Variants in ARB2A observed in about 807,000 individuals in gnomAD.
The protein encoded by ARB2A is ARB2 cotranscriptional regulator A.
chr5:93,962,480 A>G, the ARB2A span, among the ~76,000 whole-genome samples: 1 of 152,146 alleles, frequency 6.6e-6, no homozygotes, highest in African/African-American at 2.4e-5. Flanking sequence ...GTCATTTAAA[A>G]AATGGTTCTT....
At chr5:93,627,446 T>TG in the ARB2A span, among the ~76,000 whole-genome samples, 1 of 147,436 alleles carries the variant, frequency 6.8e-6, no homozygotes, top group African/African-American at 2.6e-5. Context: ...GTGTTTTGTT[T>TG]TTTTTTTTTT....
the ARB2A span, among the ~76,000 whole-genome samples, chr5:93,910,047 G>GGA: frequency 6.6e-6 from 1 of 150,832 alleles, no homozygotes; most frequent in Non-Finnish European, 1.5e-5. Context: ...TGACATAGCT[G>GGA]TCTGCTAATA....
the ARB2A span, among the ~76,000 whole-genome samples, chr5:93,883,673 A>G: frequency 6.6e-6 from 1 of 151,500 alleles, no homozygotes; most frequent in African/African-American, 2.4e-5. Context: ...AATTTCAGCT[A>G]TAACTTCTCC....
chr5:94,031,071 A>AAGAT, the ARB2A span, among the ~76,000 whole-genome samples: 1 of 152,228 alleles, frequency 6.6e-6, no homozygotes, highest in Non-Finnish European at 1.5e-5. Context: ...AAAACAGACT[A>AAGAT]AGATAGAAAA....
At chr5:93,937,782 G>A in the ARB2A span, among the ~76,000 whole-genome samples, 1 of 152,034 alleles carries the variant, frequency 6.6e-6, no homozygotes, top group Non-Finnish European at 1.5e-5. Context: ...AAATGGTGTA[G>A]TATTTGCTCA....
chr5:93,841,831 G>A, the ARB2A span, among the ~76,000 whole-genome samples: 2 of 152,194 alleles, frequency 1.3e-5, no homozygotes, highest in Non-Finnish European at 2.9e-5. Context: ...TGCGAGTGTT[G>A]CTTATGTATC....
the ARB2A span, among the ~76,000 whole-genome samples, chr5:94,089,594 T>TACACACACAC: frequency 0.03 from 4,134 of 135,602 alleles, 114 homozygotes; most frequent in Admixed American, 0.071. Context: ...AAACCGTTTA[T>TACACACACAC]ACACACACAC....
At chr5:93,725,868 A>G in the ARB2A span, among the ~76,000 whole-genome samples, 1 of 152,086 alleles carries the variant, frequency 6.6e-6, no homozygotes, top group Admixed American at 6.6e-5. Flanking sequence ...TGTGGTACCA[A>G]TGCCAGTAAG....
chr5:93,801,951 GT>G, the ARB2A span, among the ~76,000 whole-genome samples: 2 of 152,014 alleles, frequency 1.3e-5, no homozygotes, highest in Non-Finnish European at 2.9e-5. Flanking sequence ...GACATTTTCT[GT>G]TTTTATTGTT....
the ARB2A span, among the ~76,000 whole-genome samples, chr5:93,903,455 A>C: frequency 6.6e-6 from 1 of 152,100 alleles, no homozygotes; most frequent in Non-Finnish European, 1.5e-5. Context: ...ATGTAAAAAC[A>C]CAAAACTCAT....
chr5:93,972,043 G>C, the ARB2A span, among the ~76,000 whole-genome samples: 2 of 152,180 alleles, frequency 1.3e-5, no homozygotes, highest in Non-Finnish European at 2.9e-5. Context: ...TCAGTTCACT[G>C]TTGTGAACTT....
the ARB2A span, among the ~76,000 whole-genome samples, chr5:93,752,733 A>G: frequency 6.6e-6 from 1 of 152,196 alleles, no homozygotes; most frequent in African/African-American, 2.4e-5. Flanking sequence ...TTATATTTAG[A>G]TAAGTTATCT....
At chr5:93,656,615 C>G in the ARB2A span, among the ~76,000 whole-genome samples, 1 of 152,120 alleles carries the variant, frequency 6.6e-6, no homozygotes, top group African/African-American at 2.4e-5. Flanking sequence ...AAATAAGACA[C>G]TGTTCATTAT....
the ARB2A span, among the ~76,000 whole-genome samples, chr5:93,682,287 C>T: frequency 6.6e-6 from 1 of 150,896 alleles, no homozygotes; most frequent in Non-Finnish European, 1.5e-5. Flanking sequence ...TTTGATCTTG[C>T]CCACTGGAAA....
At chr5:93,963,792 C>A in the ARB2A span, among the ~76,000 whole-genome samples, 2 of 151,986 alleles carry the variant, frequency 1.3e-5, no homozygotes, top group Non-Finnish European at 2.9e-5. Context: ...CCGTTTCACA[C>A]ACGATTACAA....
the ARB2A span, among the ~76,000 whole-genome samples, chr5:93,635,464 T>G: frequency 1.3e-5 from 2 of 150,444 alleles, no homozygotes; most frequent in Admixed American, 1.3e-4. Flanking sequence ...CGAAAGTTTT[T>G]TTTTTTTTTT....
chr5:94,035,884 G>C, the ARB2A span, among the ~76,000 whole-genome samples: 1 of 152,054 alleles, frequency 6.6e-6, no homozygotes, highest in African/African-American at 2.4e-5. Flanking sequence ...GAGAGGGACA[G>C]CATTAGGAGA....
the ARB2A span, among the ~76,000 whole-genome samples, chr5:93,709,265 C>A: frequency 6.6e-5 from 10 of 152,110 alleles, no homozygotes; most frequent in Admixed American, 6.5e-4. Context: ...GATTTTTTTA[C>A]CCCATGGTTG....
the ARB2A span, among the ~76,000 whole-genome samples, chr5:93,771,653 A>G: frequency 1.3e-3 from 204 of 152,356 alleles, no homozygotes; most frequent in Non-Finnish European, 7.3e-4. Context: ...AAGGATATGA[A>G]CAGACACTTC....
Sources: gnomAD v4.1 joint callset for allele counts (sites outside exome capture counted in the v4.1 genomes callset) on GRCh38, gnomAD v4.1.1 for gene constraint, MANE v1.5 for transcripts, NCBI Gene and HGNC (gene_info 2026-07-23, HGNC 2026-07-21) for gene names.